VXN: variants seen among roughly 807,000 people sequenced by gnomAD.
The protein encoded by VXN is uncharacterized protein C8orf46.
In VXN, 7 loss-of-function variants were observed where a neutral mutation model predicts 23.1. That is an observed-to-expected ratio of 0.30 (90% CI 0.17 to 0.57). The LOEUF (loss-of-function observed/expected upper bound fraction) is 0.57, where lower values mean the gene tolerates loss of function less well. Among genes scored for constraint, VXN ranks in the 20% least tolerant of loss-of-function variants. The probability of loss-of-function intolerance (pLI) is 0.91; values close to 1 mark genes in which losing one functional copy is unlikely to be tolerated. For missense variants in VXN, 238 were observed against 272.6 expected (o/e 0.87, Z 0.89); for synonymous variants, 120 against 105.8 (o/e 1.13, Z -0.83).
At chr8:66,496,093 C>T (rs1807622971) in intron 1 of VXN, among the ~76,000 whole-genome samples, 1 of 152,170 alleles carries the variant, frequency 6.6e-6, no homozygotes, top group Non-Finnish European at 1.5e-5. Context: ...CACTTAGTAC[C>T]ATGTTTTCAA....
intron 2 of VXN, among the ~76,000 whole-genome samples, chr8:66,499,302 G>A (rs573862082): frequency 3.4e-5 from 5 of 146,974 alleles, no homozygotes; most frequent in East Asian, 2.0e-4. Context: ...GCGTGGTCTC[G>A]GCTCACCACA....
chr8:66,513,771 AT>A, intron 5 of VXN, 134 bp downstream of exon 5: 1 of 636,290 alleles, frequency 1.6e-6, no homozygotes, highest in Non-Finnish European at 2.7e-6. Flanking sequence ...GCTGCAAATT[AT>A]CTTTTAATGA....
rs1224990837 is a variant in VXN, at chr8:66,505,451, G to T, written c.203G>T (p.Gly68Val). Residue 68 changes from glycine (G) to valine (V), a missense_variant, in exon 3 of 6, where the codon GGC becomes GTC. By Grantham distance (109) the Gly-to-Val change is moderately radical. Coordinates refer to ENST00000305454, the MANE Select transcript of VXN (RefSeq NM_152765.4). Reference protein sequence around the residue: ...LPHRGDRRDPGDRRRFGRLQT... With the variant: ...LPHRGDRRDPVDRRRFGRLQT... Reference sequence around the variant, plus strand: ...CACCGCGGAGACCGCAGGGACCCTGGCGACCGCCGCAGGTTTGGGCGGCTC... The same window carrying T: ...CACCGCGGAGACCGCAGGGACCCTGTCGACCGCCGCAGGTTTGGGCGGCTC... 1 of 1,573,756 alleles carries T rather than the reference G, an allele frequency of 6.4e-7. No individual in the cohort carries two copies. Among genetic ancestry groups the T allele is most frequent in the Non-Finnish European group, 8.6e-7 (1 of 1,160,290 alleles).
Position 66,493,585 on chromosome 8 carries a change from C to T in VXN, c.-64C>T, listed in dbSNP as rs1179570838. The T allele has an allele frequency of 1.4e-6, 2 of 1,417,948 alleles. No individual in the cohort carries two copies. The highest frequency in any genetic ancestry group is 2.0e-6 in the Non-Finnish European group (2 of 1,004,872). The allele number at this position is 1,417,948 out of a possible 1,614,324, so 87.8% of individuals were successfully genotyped here. ...TGAGCCAGACTGGATTAGGATGCCT[C>T]GCGACTAGGGGTCCAGAGACAGAGG... On this transcript the variant is annotated 5_prime_UTR_variant, in exon 1 of 6. Transcript: ENST00000305454.
chr8:66,504,929 G>A (rs1006773694), intron 2 of VXN, among the ~76,000 whole-genome samples: 3 of 152,250 alleles, frequency 2.0e-5, no homozygotes, highest in Non-Finnish European at 1.5e-5. Context: ...CATCCAAAAA[G>A]TTGTCCTCTG....
At chr8:66,515,079 A>C (rs571059173) in intron 5 of VXN, among the ~76,000 whole-genome samples, 1 of 152,322 alleles carries the variant, frequency 6.6e-6, no homozygotes, top group South Asian at 2.1e-4. Context: ...AAAAGATTGG[A>C]TCATATTTAT....
chr8:66,495,299 A>C (rs1286564827), intron 1 of VXN, among the ~76,000 whole-genome samples: 1 of 152,234 alleles, frequency 6.6e-6, no homozygotes, highest in Non-Finnish European at 1.5e-5. Flanking sequence ...ATTTACTTCC[A>C]TTTACAAAAT....
rs117405948 is a variant in VXN, at chr8:66,499,114, T to C, written c.126+2622T>C. On this transcript the variant is annotated intron_variant, in intron 2 of 5. Coordinates refer to ENST00000305454, the MANE Select transcript of VXN (RefSeq NM_152765.4). ...TTTTTCTTCTGCAACAAAAGCCACA[T>C]TTATTTTTTTATTTTTTTCTCTTTT... is the stretch of plus-strand genomic sequence containing the variant. Among the ~76,000 whole-genome samples the C allele has an allele frequency of 9.7e-4, 147 of 152,032 alleles. 4 individuals carry two copies. The East Asian group carries it at 0.021, about 22-fold the overall frequency.
At chr8:66,500,045 G>A (rs1433838310) in intron 2 of VXN, among the ~76,000 whole-genome samples, 3 of 151,944 alleles carry the variant, frequency 2.0e-5, no homozygotes, top group Non-Finnish European at 2.9e-5. Flanking sequence ...TCTTTATAGC[G>A]GCTGTATAAT....
intron 2 of VXN, 104 bp downstream of exon 2, chr8:66,496,596 G>C: frequency 9.5e-7 from 1 of 1,055,566 alleles, no homozygotes; most frequent in Non-Finnish European, 1.5e-6. Flanking sequence ...GGCCAGGAGG[G>C]TTTCAGTGTT....
intron 1 of VXN, among the ~76,000 whole-genome samples, chr8:66,495,596 A>T (rs1807616760): frequency 6.6e-6 from 1 of 152,242 alleles, no homozygotes; most frequent in African/African-American, 2.4e-5. Flanking sequence ...TCAAAGATAA[A>T]TATTTAATCT....
rs1807742446 is a variant in VXN, at chr8:66,505,522, A to G, written c.274A>G (p.Arg92Gly). ...AGCCCACCCGGCCAAAGCCTCTGCC[A>G]GACCCGGTACGTGAGTCCCGGCCCC... Reference protein sequence around the residue: ...PTAHPAKASARPVGISEPKTS... With the variant: ...PTAHPAKASAGPVGISEPKTS... Residue 92 changes from arginine (R) to glycine (G), a missense_variant, in exon 3 of 6, where the codon AGA becomes GGA. Arg to Gly is a moderately radical substitution (Grantham distance 125, BLOSUM62 -2). Transcript: ENST00000305454. 2.6e-6 allele frequency: 4 copies of G among 1,520,348 alleles called. No individual in the cohort carries two copies. In the South Asian group the frequency reaches 5.1e-5, roughly 20 times the overall value. 94.2% of individuals were successfully genotyped at this position (1,520,348 alleles called of 1,614,324 possible).
chr8:66,510,440 G>A, intron 4 of VXN: 1 of 325,672 alleles, frequency 3.1e-6, no homozygotes, highest in Non-Finnish European at 5.6e-6. Flanking sequence ...CATGGTGAGG[G>A]GTGGGGGCAG....
In VXN at chr8:66,496,512, G is replaced by A; in HGVS notation, c.126+20G>A. On this transcript the variant is annotated intron_variant, in intron 2 of 5. Transcript: ENST00000305454. ...AAGAATGTAAGGAAACTTTAGTTTT[G>A]ATGTTCTTTGGTTGACTTTCATTTA... 6.2e-7 allele frequency: 1 copy of A among 1,612,098 alleles called. No homozygotes were observed. The highest frequency in any genetic ancestry group is 8.5e-7 in the Non-Finnish European group (1 of 1,178,194).
Position 66,505,361 on chromosome 8 carries a change from C to A in VXN, c.127-14C>A. 6.4e-7 allele frequency: 1 copy of A among 1,573,846 alleles called. No individual in the cohort carries two copies. Among genetic ancestry groups the A allele is most frequent in the South Asian group, 1.2e-5 (1 of 85,634 alleles). On this transcript the variant is annotated splice_polypyrimidine_tract_variant and intron_variant, in intron 2 of 5. Coordinates refer to ENST00000305454, the MANE Select transcript of VXN (RefSeq NM_152765.4). ...GCAGAGGAGTGGGCTAACCGCGTTT[C>A]CCCCGCCCGGCAGGTGGTGATCGAG...
chr8:66,496,232 C>T (rs753954725), intron 1 of VXN, among the ~76,000 whole-genome samples: 2 of 152,184 alleles, frequency 1.3e-5, no homozygotes, highest in Non-Finnish European at 2.9e-5. Flanking sequence ...TGTTCCCAAA[C>T]TTCAGCTCTT....
At position 66,505,419 on chromosome 8, in the gene VXN, G is replaced by A; in HGVS notation, c.171G>A (p.Leu57=). Residue 57 remains leucine, a synonymous_variant, in exon 3 of 6, where the codon CTG becomes CTA. Coordinates refer to ENST00000305454, the MANE Select transcript of VXN (RefSeq NM_152765.4). ...SDLYTHQPLE[L]LPHRGDRRDP... ...TGTACACGCACCAGCCCCTGGAGCTGCTGCCCCACCGCGGAGACCGCAGGG... is the reference window on the plus strand; with the variant it reads ...TGTACACGCACCAGCCCCTGGAGCTACTGCCCCACCGCGGAGACCGCAGGG... 6.3e-7 allele frequency: 1 copy of A among 1,581,040 alleles called. No homozygotes were observed. Among genetic ancestry groups the A allele is most frequent in the Non-Finnish European group, 8.6e-7 (1 of 1,164,194 alleles).
At chr8:66,513,707 G>A (rs761518951) in intron 5 of VXN, 70 bp downstream of exon 5, 227 of 1,324,334 alleles carry the variant, frequency 1.7e-4, no homozygotes, top group Middle Eastern at 4.0e-4. Flanking sequence ...CCCCAGAAGA[G>A]CACCAGGCCG....
At chr8:66,511,135 C>A (rs891485046) in intron 4 of VXN, among the ~76,000 whole-genome samples, 6 of 152,196 alleles carry the variant, frequency 3.9e-5, no homozygotes, top group Admixed American at 2.0e-4. Flanking sequence ...CACAGCTGGG[C>A]AGCTGTCCTT....
Sources: allele counts gnomAD v4.1 joint callset (sites outside exome capture counted in the v4.1 genomes callset), GRCh38; gene constraint gnomAD v4.1.1; transcripts MANE v1.5; gene names NCBI Gene and HGNC (gene_info 2026-07-23, HGNC 2026-07-21).